YBX3: variants seen among roughly 807,000 people sequenced by gnomAD.
The protein encoded by YBX3 is Y-box-binding protein 3.
In YBX3, 29 loss-of-function variants were observed where a neutral mutation model predicts 42.4. That is an observed-to-expected ratio of 0.68 (90% CI 0.51 to 0.93). YBX3 has a LOEUF of 0.93. Among genes scored for constraint, YBX3 ranks in the 40% least tolerant of loss-of-function variants. The pLI, the probability that YBX3 is intolerant of heterozygous loss-of-function variation, is 0.00. For missense variants in YBX3, 517 were observed against 527.5 expected (o/e 0.98, Z 0.19); for synonymous variants, 195 against 189.8 (o/e 1.03, Z -0.22).
intron 3 of YBX3, chr12:10,717,822 G>A: frequency 3.4e-6 from 1 of 297,182 alleles, no homozygotes; most frequent in Non-Finnish European, 6.1e-6. Flanking sequence ...AGGACTCAAA[G>A]GCTTTAAAAA....
Position 10,704,085 on chromosome 12 carries a change from G to C in YBX3, c.844C>G (p.His282Asp). 1 of 1,614,178 alleles carries C rather than the reference G, an allele frequency of 6.2e-7. No homozygotes were observed. ...PEGAQLQGPV[H>D]RNPTYRPRYR... ...CTTGGGCGGTAAGTTGGATTTCGAT[G>C]AACCGGTCCCTGAAGTTGTGCTCCC... is the stretch of plus-strand genomic sequence containing the variant. Residue 282 changes from histidine to aspartate, a missense_variant, in exon 7 of 10, where the codon CAT (histidine) becomes GAT (aspartate). His to Asp is a moderately conservative substitution (Grantham distance 81). This residue lies in a region of YBX3 where 420 missense variants were observed against 408.5 expected (regional missense o/e 1.03). Transcript: ENST00000228251.
chr12:10,715,063 A>T (rs890238382), intron 4 of YBX3, among the ~76,000 whole-genome samples: 2 of 152,060 alleles, frequency 1.3e-5, no homozygotes, highest in African/African-American at 4.8e-5. Flanking sequence ...AAGCACTTTT[A>T]ATATATTGTT....
At chr12:10,710,302 G>C (rs1315673194) in intron 5 of YBX3, 188 bp from the exon 6 acceptor site, 3 of 1,469,700 alleles carry the variant, frequency 2.0e-6, no homozygotes, top group African/African-American at 1.4e-5. Context: ...ATTAAGATTA[G>C]AGTAGATCTG....
intron 3 of YBX3, 155 bp downstream of exon 3, chr12:10,717,918 ACTTATTTGCCAATCT>A: frequency 2.1e-6 from 1 of 484,698 alleles, no homozygotes; most frequent in Non-Finnish European, 3.6e-6. Context: ...GGGTAGAAGA[ACTTATTTGCCAATCT>A]TAAAATGTGG....
Position 10,709,977 on chromosome 12 carries a change from G to A in YBX3, c.711C>T (p.Phe237=), listed in dbSNP as rs747231634. 3 of 1,613,666 alleles carry A rather than the reference G, an allele frequency of 1.9e-6. No homozygotes were observed. Among genetic ancestry groups the A allele is most frequent in the South Asian group, 2.2e-5 (2 of 91,076 alleles). The change falls in exon 6 of 10, where the codon TTC becomes TTT. Residue 237 remains phenylalanine (F), a synonymous_variant. Coordinates refer to ENST00000228251, the MANE Select transcript of YBX3 (RefSeq NM_003651.5). The part of the protein sequence containing the change: ...QYRPQYRQRR[F]PPYHVGQTFD... Reference sequence around the variant, plus strand: ...AGGTCTGTCCCACGTGGTAAGGCGGGAACCGCCGCTGCCGGTACTGAGGGC... The same window carrying A: ...AGGTCTGTCCCACGTGGTAAGGCGGAAACCGCCGCTGCCGGTACTGAGGGC...
intron 6 of YBX3, among the ~76,000 whole-genome samples, chr12:10,706,948 T>TG (rs1414697278): frequency 1.3e-5 from 2 of 152,020 alleles, no homozygotes; most frequent in Admixed American, 1.3e-4. Flanking sequence ...ACCCAGGAGA[T>TG]GGAGCTTGCA....
At position 10,723,190 on chromosome 12, in the gene YBX3, C is replaced by T. The variant is rs1461304697; in HGVS notation, c.-79G>A. 8.5e-7 allele frequency: 1 copy of T among 1,178,698 alleles called. No individual in the cohort carries two copies. Among genetic ancestry groups the T allele is most frequent in the Non-Finnish European group, 1.0e-6 (1 of 953,932 alleles). 73.0% of individuals were successfully genotyped at this position (1,178,698 alleles called of 1,614,324 possible). A position where few individuals can be genotyped will look rare whatever the true frequency, so the allele number is the denominator to read the frequency against. On this transcript the variant is annotated 5_prime_UTR_variant, in exon 1 of 10. Transcript: ENST00000228251. ...TTAGCGCGGCTGGTGGTCGCGGCGG[C>T]CGGGGCTCGCTCTCGGGGAGGCCGG...
At position 10,723,132 on chromosome 12, in the gene YBX3, C is replaced by G; in HGVS notation, c.-21G>C. 8.4e-7 allele frequency: 1 copy of G among 1,196,740 alleles called. No individual in the cohort carries two copies. Among genetic ancestry groups the G allele is most frequent in the African/African-American group, 1.6e-5 (1 of 62,842 alleles). 74.1% of individuals were successfully genotyped at this position (1,196,740 alleles called of 1,614,324 possible). ...CTCATGCCTCCTCCTCCTCTGCTCT[C>G]GCTCAGGCGCCTCGGTGGCGGTTGG... On this transcript the variant is annotated 5_prime_UTR_variant, in exon 1 of 10. Coordinates refer to ENST00000228251, the MANE Select transcript of YBX3 (RefSeq NM_003651.5).
intron 9 of YBX3, 97 bp from the exon 10 acceptor site, chr12:10,699,751 A>G (rs1425151286): frequency 6.6e-6 from 1 of 152,652 alleles, no homozygotes; most frequent in Non-Finnish European, 1.5e-5. Context: ...TATAATTAGA[A>G]AAAGAGTACT....
In YBX3 at chr12:10,710,017, C is replaced by T. The variant is rs764489597; in HGVS notation, c.671G>A (p.Arg224His). 202 of 1,613,906 alleles carry T rather than the reference C, an allele frequency of 1.3e-4. No homozygotes were observed. Among genetic ancestry groups the T allele is most frequent in the Non-Finnish European group, 1.5e-4 (178 of 1,179,936 alleles). ...GTACTGAGGGCGATACTGGGGGCGG[C>T]GCAGCTGATTCCGGGCCCCAGAGAA... Reference protein sequence around the residue: ...RQFSGARNQLRRPQYRPQYRQ... With the variant: ...RQFSGARNQLHRPQYRPQYRQ... Residue 224 changes from arginine to histidine, a missense_variant, in exon 6 of 10, where the codon CGC (arginine) becomes CAC (histidine). Arg to His is a conservative substitution (Grantham distance 29). Transcript: ENST00000228251.
chr12:10,702,007 G>C lies in YBX3; in HGVS notation c.1006C>G (p.Arg336Gly), dbSNP rs532517120. Residue 336 changes from arginine (R) to glycine (G), a missense_variant, in exon 8 of 10, where the codon CGG (arginine) becomes GGG (glycine). Coordinates refer to ENST00000228251, the MANE Select transcript of YBX3 (RefSeq NM_003651.5). The stretch of plus-strand genomic sequence containing the variant: ...GCGTTAGGAGGACGCGGGCGACGCC[G>C]GTAATTGTAGGGACGCCGGTATCCA... The part of the protein sequence containing the change: ...RRGYRRPYNY[R>G]RRPRPPNAPS... 1 of 1,613,800 alleles carries C rather than the reference G, an allele frequency of 6.2e-7. No individual in the cohort carries two copies. The highest frequency in any genetic ancestry group is 8.5e-7 in the Non-Finnish European group (1 of 1,179,966).
chr12:10,711,999 A>G (rs558121328), intron 5 of YBX3: 3 of 152,340 alleles, frequency 2.0e-5, no homozygotes, highest in Admixed American at 6.5e-5. Flanking sequence ...CTCATAGCTT[A>G]TTAAAAACCA....
At chr12:10,702,959 C>G (rs1336279858) in intron 7 of YBX3, 2 of 152,136 alleles carry the variant, frequency 1.3e-5, no homozygotes, top group Non-Finnish European at 2.9e-5. Context: ...TATAAAAGTG[C>G]TGCTTTTATA....
Position 10,701,278 on chromosome 12 carries a change from GAGCCTGGTGTTACTC to G in YBX3, c.1114_*9del, listed in dbSNP as rs748227193. ...CCTGCCGATGGTGAAGGTGCCTGAGGAGCCTGGTGTTACTCAGCACTGCTCTGCTGGGTGGGTGGA... is the reference window on the plus strand; with the variant it reads ...CCTGCCGATGGTGAAGGTGCCTGAGGAGCACTGCTCTGCTGGGTGGGTGGA... On this transcript the variant is annotated stop_lost and 3_prime_UTR_variant, in exon 9 of 10. Transcript: ENST00000228251. 1.3e-6 allele frequency: 1 copy of G among 780,318 alleles called. No homozygotes were observed. The highest frequency in any genetic ancestry group is 2.4e-6 in the Non-Finnish European group (1 of 418,068). 48.3% of individuals were successfully genotyped at this position (780,318 alleles called of 1,614,324 possible). A position where few individuals can be genotyped will look rare whatever the true frequency, so the allele number is the denominator to read the frequency against.
intron 6 of YBX3, among the ~76,000 whole-genome samples, chr12:10,706,853 T>TA (rs1565587145): frequency 1.3e-5 from 2 of 152,092 alleles, no homozygotes; most frequent in African/African-American, 4.8e-5. Context: ...TCGTTTCTAC[T>TA]AAAAATACAA....
chr12:10,720,800 A>C (rs1422376992), intron 1 of YBX3: 1 of 152,210 alleles, frequency 6.6e-6, no homozygotes, highest in African/African-American at 2.4e-5. Flanking sequence ...CCTCAATCCA[A>C]GCTGAAGGTT....
At chr12:10,716,698 C>T (rs11053914) in intron 3 of YBX3, among the ~76,000 whole-genome samples, 13,994 of 152,120 alleles carry the variant, frequency 0.092, 664 homozygotes, top group East Asian at 0.11. Context: ...GTAATCCAGC[C>T]CGTCCCCTAA....
Position 10,723,283 on chromosome 12 carries a change from G to C in YBX3, c.-172C>G. 1 of 1,072,228 alleles carries C rather than the reference G, an allele frequency of 9.3e-7. No individual in the cohort carries two copies. The highest frequency in any genetic ancestry group is 1.2e-6 in the Non-Finnish European group (1 of 860,864). 66.4% of individuals were successfully genotyped at this position (1,072,228 alleles called of 1,614,324 possible). A position where few individuals can be genotyped will look rare whatever the true frequency, so the allele number is the denominator to read the frequency against. Reference sequence around the variant, plus strand: ...GCGCGGCGGAGGCGGCTCGAGCTTCGTGCTGCGCGCTCTCTCTTGGGCTCC... The same window carrying C: ...GCGCGGCGGAGGCGGCTCGAGCTTCCTGCTGCGCGCTCTCTCTTGGGCTCC... On this transcript the variant is annotated 5_prime_UTR_variant, in exon 1 of 10. Transcript: ENST00000228251.
chr12:10,704,433 C>G (rs1948115328), intron 6 of YBX3: 1 of 268,178 alleles, frequency 3.7e-6, no homozygotes, highest in African/African-American at 2.2e-5. Flanking sequence ...ACATTTCATT[C>G]ATCTCTTTAA....
Sources: gnomAD v4.1 joint callset for allele counts (sites outside exome capture counted in the v4.1 genomes callset) on GRCh38, gnomAD v4.1.1 for gene constraint, gnomAD v4.1.1 regional missense constraint, MANE v1.5 for transcripts, NCBI Gene and HGNC (gene_info 2026-07-23, HGNC 2026-07-21) for gene names.